The following KCNT2 variants were observed in gnomAD, a reference collection of about 807,000 sequenced individuals.
The protein encoded by KCNT2 is potassium sodium-activated channel subfamily T member 2.
KCNT2 carries 67 observed loss-of-function variants against 153.8 expected under a neutral mutation model. The ratio of observed to expected loss-of-function variants is 0.44; its 90% CI spans 0.36 to 0.53. The LOEUF is 0.53. KCNT2 is among the 20% of genes least tolerant of loss of function. The pLI is 0.00. For synonymous variants in KCNT2, 500 were observed against 458.8 expected (o/e 1.09, Z -1.15); for missense variants, 975 against 1,354.8 (o/e 0.72, Z 4.40).
chr1:196,323,635 T>C (rs936221177), intron 19 of KCNT2, among the ~76,000 whole-genome samples: 6 of 151,948 alleles, frequency 3.9e-5, no homozygotes, highest in Admixed American at 6.6e-5. Context: ...TGGCATATTA[T>C]GTGTATGAAT....
At chr1:196,491,268 C>T (rs989042990) in intron 2 of KCNT2, among the ~76,000 whole-genome samples, 43 of 152,072 alleles carry the variant, frequency 2.8e-4, no homozygotes, top group African/African-American at 1.0e-3. Flanking sequence ...TTCTGAACAA[C>T]CATGTTAGAA....
intron 22 of KCNT2, among the ~76,000 whole-genome samples, chr1:196,300,244 A>G (rs999203220): frequency 6.6e-6 from 1 of 152,220 alleles, no homozygotes; most frequent in Non-Finnish European, 1.5e-5. Context: ...GATGGCAAGG[A>G]ATAGTCAATG....
chr1:196,260,102 CAG>C (rs142416021), intron 25 of KCNT2, among the ~76,000 whole-genome samples: 3,295 of 151,844 alleles, frequency 0.022, 105 homozygotes, highest in African/African-American at 0.075. Context: ...GACTTGCTTG[CAG>C]AGTTTAATCA....
At chr1:196,265,036 T>C (rs1439615782) in intron 25 of KCNT2, among the ~76,000 whole-genome samples, 1 of 152,174 alleles carries the variant, frequency 6.6e-6, no homozygotes, top group Admixed American at 6.5e-5. Flanking sequence ...TCACTCTCCA[T>C]GGAAAGCCTC....
At chr1:196,417,927 C>T (rs764703977) in intron 12 of KCNT2, among the ~76,000 whole-genome samples, 5 of 152,084 alleles carry the variant, frequency 3.3e-5, no homozygotes, top group South Asian at 4.1e-4. Context: ...TCCTATGGGA[C>T]GACCATTGTA....
intron 14 of KCNT2, among the ~76,000 whole-genome samples, chr1:196,365,559 G>A (rs1279328019): frequency 6.6e-6 from 1 of 152,098 alleles, no homozygotes; most frequent in East Asian, 1.9e-4. Context: ...AAAACATGTT[G>A]TCGCTGTTCT....
At chr1:196,590,565 C>T (rs2148999488) in intron 1 of KCNT2, among the ~76,000 whole-genome samples, 1 of 152,244 alleles carries the variant, frequency 6.6e-6, no homozygotes, top group South Asian at 2.1e-4. Context: ...TTCTTCACTG[C>T]CCTTCCAGAT....
At chr1:196,350,245 C>G (rs530075846) in intron 14 of KCNT2, among the ~76,000 whole-genome samples, 1 of 152,022 alleles carries the variant, frequency 6.6e-6, no homozygotes, top group African/African-American at 2.4e-5. Flanking sequence ...CTGGGTCAAA[C>G]GGTATTTCTA....
chr1:196,535,414 G>T (rs1461367784), intron 1 of KCNT2, among the ~76,000 whole-genome samples: 2 of 152,178 alleles, frequency 1.3e-5, no homozygotes, highest in South Asian at 2.1e-4. Flanking sequence ...AAGATGCCTG[G>T]ATCTGCTAAT....
intron 1 of KCNT2, among the ~76,000 whole-genome samples, chr1:196,551,787 C>T (rs1657940985): frequency 6.6e-6 from 1 of 151,690 alleles, no homozygotes; most frequent in South Asian, 2.1e-4. Context: ...CAATTACATT[C>T]ACTTACAGAA....
At chr1:196,295,421 T>C (rs1196814542) in intron 22 of KCNT2, among the ~76,000 whole-genome samples, 3 of 149,612 alleles carry the variant, frequency 2.0e-5, no homozygotes, top group East Asian at 3.9e-4. Flanking sequence ...ATTCTAAAAA[T>C]AACAAAAACA....
Position 196,442,310 on chromosome 1 carries a change from T to C in KCNT2, c.639-12553A>G, listed in dbSNP as rs1482857881. On this transcript the variant is annotated intron_variant, in intron 8 of 27. Coordinates refer to ENST00000294725, the MANE Select transcript of KCNT2 (RefSeq NM_198503.5). Reference sequence around the variant, plus strand: ...TTGCTTCTTGGAAAACTTATAGGATTTTCTTCTCCTGAAAAATGTGAAAAA... The same window carrying C: ...TTGCTTCTTGGAAAACTTATAGGATCTTCTTCTCCTGAAAAATGTGAAAAA... Among the ~76,000 whole-genome samples the C allele has an allele frequency of 4.0e-5, 6 of 151,838 alleles. No homozygotes were observed. In the Admixed American group the frequency reaches 4.0e-4, roughly 10 times the overall value.
intron 13 of KCNT2, among the ~76,000 whole-genome samples, chr1:196,381,530 A>T (rs151076486): frequency 3.0e-4 from 46 of 152,288 alleles, no homozygotes; most frequent in African/African-American, 1.1e-3. Context: ...GTTTTCAGAT[A>T]AGCAATCAGA....
At chr1:196,365,989 A>G (rs1558199921) in intron 14 of KCNT2, among the ~76,000 whole-genome samples, 1 of 152,124 alleles carries the variant, frequency 6.6e-6, no homozygotes, top group African/African-American at 2.4e-5. Context: ...AATGGGGTTT[A>G]TATGGTCATG....
In KCNT2 at chr1:196,227,476, T is replaced by G. The variant is rs1289626853; in HGVS notation, c.*748A>C. On this transcript the variant is annotated 3_prime_UTR_variant, in exon 28 of 28. Coordinates refer to ENST00000294725, the MANE Select transcript of KCNT2 (RefSeq NM_198503.5). Reference sequence around the variant, plus strand: ...ATTTTCTCTATGCTAGGCATTCGTTTAGGAGAATAATAGATATTTGCTTTA... The same window carrying G: ...ATTTTCTCTATGCTAGGCATTCGTTGAGGAGAATAATAGATATTTGCTTTA... 1 of 152,078 alleles carries G rather than the reference T, an allele frequency of 6.6e-6. No homozygotes were observed. The highest frequency in any genetic ancestry group is 2.4e-5 in the African/African-American group (1 of 41,464). The allele number at this position is 152,078 out of a possible 1,614,324, so 9.4% of individuals were successfully genotyped here.
rs573616600 is a variant in KCNT2, at chr1:196,236,010, G to A, written c.3272C>T (p.Thr1091Ile). Residue 1091 changes from threonine to isoleucine, a missense_variant, in exon 27 of 28, where the codon ACC becomes ATC. Physicochemically the swap from Thr to Ile is moderately conservative, Grantham distance 89. Coordinates refer to ENST00000294725, the MANE Select transcript of KCNT2 (RefSeq NM_198503.5). ...CACAACATCATTCAGCTCTATTCTG[G>A]TATCTGGAGATGGGTTAATCAGGAT... ...SYILINPSPDTRIELNDVVYL... is the reference protein window; with the variant it reads ...SYILINPSPDIRIELNDVVYL... 8.8e-6 allele frequency: 14 copies of A among 1,599,268 alleles called. No homozygotes were observed. The highest frequency in any genetic ancestry group is 1.3e-5 in the African/African-American group (1 of 74,514).
chr1:196,312,480 G>A (rs1662284299), intron 21 of KCNT2, among the ~76,000 whole-genome samples: 1 of 151,766 alleles, frequency 6.6e-6, no homozygotes, highest in Non-Finnish European at 1.5e-5. Flanking sequence ...TAAAAGGCCT[G>A]TCTAGGTCGT....
chr1:196,304,333 A>T (rs1355281045), intron 22 of KCNT2, among the ~76,000 whole-genome samples: 1 of 152,156 alleles, frequency 6.6e-6, no homozygotes, highest in East Asian at 1.9e-4. Flanking sequence ...TGTTATAAGA[A>T]ATGAAAACAG....
chr1:196,401,294 G>A (rs1287076901), intron 12 of KCNT2, among the ~76,000 whole-genome samples: 1 of 151,706 alleles, frequency 6.6e-6, no homozygotes, highest in East Asian at 2.0e-4. Flanking sequence ...TCCAAAATAC[G>A]ATGCAGTATT....
Sources: gnomAD v4.1 joint callset for allele counts (sites outside exome capture counted in the v4.1 genomes callset) on GRCh38, gnomAD v4.1.1 for gene constraint, MANE v1.5 for transcripts, NCBI Gene and HGNC (gene_info 2026-07-23, HGNC 2026-07-21) for gene names.